PAPPA: variants seen among roughly 807,000 people sequenced by gnomAD.
PAPPA encodes the protein pappalysin-1.
PAPPA carries 60 observed loss-of-function variants against 164.0 expected under a neutral mutation model. That is an observed-to-expected ratio of 0.37 (90% CI 0.30 to 0.45). The LOEUF (loss-of-function observed/expected upper bound fraction) is 0.45. Ranked by LOEUF, PAPPA falls within the 20% of genes least tolerant of loss-of-function variation. The pLI is 1.00. For missense variants in PAPPA, 1,782 were observed against 2,087.3 expected (o/e 0.85, Z 2.85); for synonymous variants, 875 against 814.1 (o/e 1.07, Z -1.27).
At chr9:116,309,410 A>G (rs536007001) in intron 10 of PAPPA, among the ~76,000 whole-genome samples, 1 of 152,194 alleles carries the variant, frequency 6.6e-6, no homozygotes, top group Non-Finnish European at 1.5e-5. Flanking sequence ...GCCAAGTCTG[A>G]GGCAGGAGGG....
chr9:116,290,872 A>G (rs1045450371), intron 9 of PAPPA, among the ~76,000 whole-genome samples: 1 of 151,438 alleles, frequency 6.6e-6, no homozygotes, highest in African/African-American at 2.4e-5. Context: ...GCCAAATTTC[A>G]TTTCATTATT....
At chr9:116,391,455 C>A (rs767953357) in intron 21 of PAPPA, among the ~76,000 whole-genome samples, 1 of 152,196 alleles carries the variant, frequency 6.6e-6, no homozygotes, top group Non-Finnish European at 1.5e-5. Flanking sequence ...CCTCTCCAAC[C>A]GGCACCCCCA....
At chr9:116,201,625 G>T (rs573559702) in intron 2 of PAPPA, among the ~76,000 whole-genome samples, 3 of 152,106 alleles carry the variant, frequency 2.0e-5, no homozygotes, top group Admixed American at 6.6e-5. Flanking sequence ...GCATTTCCTT[G>T]TGCATTACCT....
At chr9:116,310,467 G>A (rs1421539366) in intron 10 of PAPPA, among the ~76,000 whole-genome samples, 2 of 152,048 alleles carry the variant, frequency 1.3e-5, no homozygotes, top group Non-Finnish European at 2.9e-5. Flanking sequence ...ATGGTGTGGG[G>A]CACCAAAAAA....
intron 1 of PAPPA, among the ~76,000 whole-genome samples, chr9:116,173,941 G>A (rs866179458): frequency 4.1e-4 from 62 of 151,946 alleles, no homozygotes; most frequent in African/African-American, 1.5e-3. Flanking sequence ...CCCTGACTAA[G>A]CAGAAATATT....
At chr9:116,273,089 C>T (rs774153016) in intron 9 of PAPPA, among the ~76,000 whole-genome samples, 7 of 152,176 alleles carry the variant, frequency 4.6e-5, no homozygotes, top group Non-Finnish European at 1.5e-5. Context: ...TGAAAAATAT[C>T]TGCCTGTTTG....
chr9:116,289,386 G>GCCA (rs1564212486), intron 9 of PAPPA, among the ~76,000 whole-genome samples: 3 of 47,962 alleles, frequency 6.3e-5, no homozygotes, highest in African/African-American at 1.4e-4. Context: ...TATAGCATAT[G>GCCA]TATATATAGC....
chr9:116,384,386 T>G (rs1371019532), intron 21 of PAPPA, among the ~76,000 whole-genome samples: 5 of 151,666 alleles, frequency 3.3e-5, no homozygotes, highest in Admixed American at 3.3e-4. Flanking sequence ...CTCAGAGAGG[T>G]CAAGGCTGCA....
chr9:116,236,967 A>T (rs1475007845), intron 7 of PAPPA, among the ~76,000 whole-genome samples: 1 of 152,196 alleles, frequency 6.6e-6, no homozygotes, highest in East Asian at 1.9e-4. Flanking sequence ...TACAAAAAGG[A>T]TAGAGTCTTC....
At chr9:116,308,575 A>G (rs958877425) in intron 10 of PAPPA, among the ~76,000 whole-genome samples, 4 of 152,234 alleles carry the variant, frequency 2.6e-5, no homozygotes, top group African/African-American at 4.8e-5. Flanking sequence ...CACTGTGTTC[A>G]TAATAGAAAT....
At chr9:116,284,226 G>A (rs571686768) in intron 9 of PAPPA, among the ~76,000 whole-genome samples, 21 of 152,112 alleles carry the variant, frequency 1.4e-4, no homozygotes, top group African/African-American at 3.6e-4. Flanking sequence ...ACCTGTCCCC[G>A]GAAGAGATTG....
chr9:116,381,681 T>G (rs1846733510), intron 20 of PAPPA, among the ~76,000 whole-genome samples: 1 of 152,332 alleles, frequency 6.6e-6, no homozygotes, highest in Admixed American at 6.5e-5. Context: ...TAGAGCCAAC[T>G]TAGATTTAAA....
rs1299152909 is a variant in PAPPA, at chr9:116,188,104, G to T, written c.1366G>T (p.Val456Leu). 6 of 1,614,108 alleles carry T rather than the reference G, an allele frequency of 3.7e-6. No individual in the cohort carries two copies. Among genetic ancestry groups the T allele is most frequent in the Non-Finnish European group, 4.2e-6 (5 of 1,180,016 alleles). Reference sequence around the variant, plus strand: ...CTTCGTGAAGAAGCAGCACAACGGGGTGTGTGACATGGACTGCAACTATGA... The same window carrying T: ...CTTCGTGAAGAAGCAGCACAACGGGTTGTGTGACATGGACTGCAACTATGA... ...PAFVKKQHNG[V>L]CDMDCNYERF... The change falls in exon 2 of 22, where the codon GTG becomes TTG. Residue 456 changes from valine (V) to leucine (L), a missense_variant. Around this residue, in one of 2 missense-constraint regions of PAPPA, gnomAD observed 1,324 missense variants for 1,656.9 expected, o/e 0.80. Transcript: ENST00000328252.
chr9:116,294,011 A>G (rs1027615676), intron 9 of PAPPA, among the ~76,000 whole-genome samples: 1 of 152,234 alleles, frequency 6.6e-6, no homozygotes, highest in African/African-American at 2.4e-5. Context: ...TTTTAGATAA[A>G]TCATTCATAG....
chr9:116,320,679 A>G (rs1318163679), intron 10 of PAPPA, among the ~76,000 whole-genome samples: 5 of 152,190 alleles, frequency 3.3e-5, no homozygotes, highest in Non-Finnish European at 5.9e-5. Flanking sequence ...GGTAAAAGAA[A>G]GCCTGGCTCC....
intron 6 of PAPPA, among the ~76,000 whole-genome samples, chr9:116,229,787 A>T (rs1354910451): frequency 6.6e-6 from 1 of 152,216 alleles, no homozygotes; most frequent in East Asian, 1.9e-4. Flanking sequence ...CTGTTGCCAA[A>T]ATCCAGCTGA....
intron 7 of PAPPA, among the ~76,000 whole-genome samples, chr9:116,243,878 C>CAG (rs1844765157): frequency 6.6e-6 from 1 of 152,094 alleles, no homozygotes; most frequent in Non-Finnish European, 1.5e-5. Flanking sequence ...CACGCCTGCC[C>CAG]AGCATGGTTT....
chr9:116,380,163 C>T (rs1005647849), intron 20 of PAPPA, among the ~76,000 whole-genome samples: 1 of 152,206 alleles, frequency 6.6e-6, no homozygotes, highest in African/African-American at 2.4e-5. Context: ...AAGTCTGTCT[C>T]TTCACCAGAG....
At chr9:116,384,406 G>A (rs1485899090) in intron 21 of PAPPA, among the ~76,000 whole-genome samples, 1 of 151,932 alleles carries the variant, frequency 6.6e-6, no homozygotes, top group Non-Finnish European at 1.5e-5. Flanking sequence ...AATGAGCCAT[G>A]ATCATACCAC....
Sources: allele counts gnomAD v4.1 joint callset (sites outside exome capture counted in the v4.1 genomes callset), GRCh38; gene constraint gnomAD v4.1.1; regional missense constraint gnomAD v4.1.1; transcripts MANE v1.5; gene names NCBI Gene and HGNC (gene_info 2026-07-23, HGNC 2026-07-21).